Variants in ELL2 observed in about 807,000 individuals in gnomAD.
ELL2 encodes the protein RNA polymerase II elongation factor ELL2.
Under a neutral mutation model 72.8 loss-of-function variants are expected in ELL2, and 21 were observed. That is an observed-to-expected ratio of 0.29 (90% CI 0.20 to 0.42). The LOEUF is 0.42. Ranked by LOEUF, ELL2 falls within the 10% of genes least tolerant of loss-of-function variation. The pLI, the probability that ELL2 is intolerant of heterozygous loss-of-function variation, is 1.00. For synonymous variants in ELL2, 266 were observed against 283.2 expected (o/e 0.94, Z 0.61); for missense variants, 568 against 772.8 (o/e 0.73, Z 3.14).
chr5:95,954,040 T>TC (rs1561516962), intron 1 of ELL2, among the ~76,000 whole-genome samples: 1 of 152,190 alleles, frequency 6.6e-6, no homozygotes, highest in African/African-American at 2.4e-5. Context: ...CAAATTTTTT[T>TC]CCCAAAGAAT....
intron 1 of ELL2, among the ~76,000 whole-genome samples, chr5:95,953,991 TAA>T (rs1751519997): frequency 6.6e-6 from 1 of 152,166 alleles, no homozygotes; most frequent in Non-Finnish European, 1.5e-5. Flanking sequence ...AGAAAGTCTA[TAA>T]AAATACAAAC....
chr5:95,915,190 C>G (rs1251141890), intron 3 of ELL2, among the ~76,000 whole-genome samples: 2 of 152,164 alleles, frequency 1.3e-5, no homozygotes, highest in African/African-American at 4.8e-5. Context: ...GCAAGCTCTG[C>G]CTCCCGGGTT....
At chr5:95,952,520 C>A (rs1481803212) in intron 1 of ELL2, among the ~76,000 whole-genome samples, 1 of 152,094 alleles carries the variant, frequency 6.6e-6, no homozygotes, top group Non-Finnish European at 1.5e-5. Context: ...AGGAGAGGAT[C>A]TTTTATAATA....
intron 2 of ELL2, among the ~76,000 whole-genome samples, chr5:95,925,503 G>A (rs1750251189): frequency 6.6e-6 from 1 of 152,212 alleles, no homozygotes; most frequent in African/African-American, 2.4e-5. Context: ...TGCAAGGACA[G>A]AGGCTTTTGT....
At chr5:95,924,742 T>C (rs1750225026) in intron 2 of ELL2, among the ~76,000 whole-genome samples, 1 of 152,222 alleles carries the variant, frequency 6.6e-6, no homozygotes, top group African/African-American at 2.4e-5. Context: ...ACCTCCTGTC[T>C]GTCTTTGATA....
At chr5:95,898,949 C>T (rs1749006569) in intron 7 of ELL2, 139 bp from the exon 8 acceptor site, 1 of 569,422 alleles carries the variant, frequency 1.8e-6, no homozygotes, top group Non-Finnish European at 2.7e-6. Flanking sequence ...ACGCTTTCTT[C>T]ATGCTTAAGC....
chr5:95,943,051 T>C lies in ELL2; in HGVS notation c.148-2A>G, dbSNP rs762977973. 6.2e-7 allele frequency: 1 copy of C among 1,600,660 alleles called. No homozygotes were observed. The highest frequency in any genetic ancestry group is 1.7e-5 in the Admixed American group (1 of 58,168). On this transcript the variant is annotated splice_acceptor_variant, in intron 1 of 11. Coordinates refer to ENST00000237853, the MANE Select transcript of ELL2 (RefSeq NM_012081.6). LOFTEE classifies it high-confidence loss of function. ...TGAAGGTCGAAAAGGAATTAAATTC[T>C]ATTAAAAGAAACAAAAGAAACAAAC...
At chr5:95,921,270 T>C (rs1423268) in intron 2 of ELL2, among the ~76,000 whole-genome samples, 57,505 of 152,062 alleles carry the variant, frequency 0.38, 12,325 homozygotes, top group African/African-American at 0.59. Context: ...GAGATTCAGA[T>C]GACTTGTATA....
At chr5:95,942,962 G>T in intron 2 of ELL2, 40 bp downstream of exon 2, 1 of 1,494,336 alleles carries the variant, frequency 6.7e-7, no homozygotes, top group South Asian at 1.4e-5. Flanking sequence ...TAGCGTGCAA[G>T]AACATTAGAT....
intron 8 of ELL2, 45 bp downstream of exon 8, chr5:95,898,195 A>G: frequency 6.9e-6 from 10 of 1,447,226 alleles, no homozygotes; most frequent in Non-Finnish European, 9.4e-6. Flanking sequence ...TGTAATTTCA[A>G]ACTCATGATA....
At chr5:95,952,864 C>A (rs1206462155) in intron 1 of ELL2, among the ~76,000 whole-genome samples, 1 of 152,048 alleles carries the variant, frequency 6.6e-6, no homozygotes, top group African/African-American at 2.4e-5. Context: ...AGATAGAGAC[C>A]TCCAACATTC....
chr5:95,929,504 G>C (rs1193976783), intron 2 of ELL2, among the ~76,000 whole-genome samples: 2 of 152,144 alleles, frequency 1.3e-5, no homozygotes, highest in East Asian at 1.9e-4. Flanking sequence ...TGATCTGCCC[G>C]CCTTGGCCTT....
At chr5:95,934,901 T>C (rs565476513) in intron 2 of ELL2, among the ~76,000 whole-genome samples, 130 of 152,352 alleles carry the variant, frequency 8.5e-4, no homozygotes, top group African/African-American at 3.0e-3. Flanking sequence ...TTTTCTTATT[T>C]AACCCATAAA....
At chr5:95,957,338 T>G (rs1228007132) in intron 1 of ELL2, among the ~76,000 whole-genome samples, 1 of 152,244 alleles carries the variant, frequency 6.6e-6, no homozygotes, top group Non-Finnish European at 1.5e-5. Flanking sequence ...TACAGTAATA[T>G]ATGCTCATTT....
At chr5:95,925,960 T>C (rs1026180141) in intron 2 of ELL2, among the ~76,000 whole-genome samples, 3 of 152,340 alleles carry the variant, frequency 2.0e-5, no homozygotes, top group African/African-American at 7.2e-5. Context: ...AAATTATTTC[T>C]AGACTCTTGA....
At chr5:95,934,610 CAG>C (rs1750709869) in intron 2 of ELL2, among the ~76,000 whole-genome samples, 2 of 152,184 alleles carry the variant, frequency 1.3e-5, no homozygotes, top group Non-Finnish European at 2.9e-5. Flanking sequence ...AGATCACAGA[CAG>C]AGAGAAAACT....
chr5:95,911,929 G>T (rs563316705), intron 4 of ELL2, among the ~76,000 whole-genome samples: 1 of 152,184 alleles, frequency 6.6e-6, no homozygotes, highest in African/African-American at 2.4e-5. Context: ...GGCCGAGATC[G>T]ATGCAAGCCT....
At chr5:95,934,752 C>A (rs1272570994) in intron 2 of ELL2, among the ~76,000 whole-genome samples, 1 of 152,094 alleles carries the variant, frequency 6.6e-6, no homozygotes, top group African/African-American at 2.4e-5. Flanking sequence ...TTTTTTAAAC[C>A]TTTAATATCC....
Position 95,898,316 on chromosome 5 carries a change from A to G in ELL2, c.1449T>C (p.Ile483=). Reference sequence around the variant, plus strand: ...TCTTAAGATCTTCCTCCTTTTCCTCAATAGTCTCAATGTCGTGCTTTTTTA... The same window carrying G: ...TCTTAAGATCTTCCTCCTTTTCCTCGATAGTCTCAATGTCGTGCTTTTTTA... The part of the protein sequence containing the change: ...DQIKKHDIET[I]EEKEEDLKRE... The change falls in exon 8 of 12, where the codon ATT becomes ATC. Residue 483 remains isoleucine (I), a synonymous_variant. Coordinates refer to ENST00000237853, the MANE Select transcript of ELL2 (RefSeq NM_012081.6). 1.9e-6 allele frequency: 3 copies of G among 1,613,414 alleles called. No individual in the cohort carries two copies. Among genetic ancestry groups the G allele is most frequent in the Non-Finnish European group, 2.5e-6 (3 of 1,179,800 alleles).
Sources: gnomAD v4.1 joint callset for allele counts (sites outside exome capture counted in the v4.1 genomes callset) on GRCh38, gnomAD v4.1.1 for gene constraint, MANE v1.5 for transcripts, NCBI Gene and HGNC (gene_info 2026-07-23, HGNC 2026-07-21) for gene names.